The following MYCBP2 variants were observed in gnomAD, a reference collection of about 807,000 sequenced individuals.
The protein encoded by MYCBP2 is E3 ubiquitin-protein ligase MYCBP2.
A neutral mutation model predicts 525.3 loss-of-function variants in MYCBP2; 120 were observed. The observed-to-expected ratio is 0.23, with a 90% CI of 0.20 to 0.27. The LOEUF (loss-of-function observed/expected upper bound fraction) is 0.27. Ranked by LOEUF, MYCBP2 falls within the 10% of genes least tolerant of loss-of-function variation. MYCBP2 has a pLI of 1.00. For missense variants in MYCBP2, 4,149 were observed against 5,657.1 expected (o/e 0.73, Z 8.55); for synonymous variants, 1,894 against 1,955.8 (o/e 0.97, Z 0.83).
intron 33 of MYCBP2, among the ~76,000 whole-genome samples, chr13:77,180,524 T>C (rs144652744): frequency 1.7e-4 from 26 of 152,348 alleles, no homozygotes; most frequent in African/African-American, 6.3e-4. Context: ...CAAAGTACCA[T>C]ACATTTACGA....
chr13:77,294,392 T>C (rs2154364890), intron 2 of MYCBP2, among the ~76,000 whole-genome samples: 1 of 151,958 alleles, frequency 6.6e-6, no homozygotes, highest in East Asian at 1.9e-4. Flanking sequence ...AATTAATGTT[T>C]GAGGAATAAA....
chr13:77,181,821 C>T lies in MYCBP2; in HGVS notation c.4821G>A (p.Pro1607=), dbSNP rs371670683. The T allele has an allele frequency of 2.3e-5, 37 of 1,613,992 alleles. No homozygotes were observed. The highest frequency in any genetic ancestry group is 6.7e-5 in the East Asian group (3 of 44,872). The change falls in exon 33 of 83, where the codon CCG becomes CCA. Residue 1607 remains proline, a synonymous_variant. Coordinates refer to ENST00000544440, the MANE Select transcript of MYCBP2 (RefSeq NM_015057.5). ...HTSVKLTSIF[P]IAYDGEVLLR... ...GTAATACTTCTCCATCATACGCAATCGGGAAGATGGAAGTCAGCTTAACAG... is the reference window on the plus strand; with the variant it reads ...GTAATACTTCTCCATCATACGCAATTGGGAAGATGGAAGTCAGCTTAACAG...
intron 21 of MYCBP2, among the ~76,000 whole-genome samples, chr13:77,215,770 G>A (rs1023568084): frequency 2.6e-5 from 4 of 152,126 alleles, no homozygotes; most frequent in Non-Finnish European, 4.4e-5. Flanking sequence ...TAATAGAGAT[G>A]GGGTCTCACT....
chr13:77,306,786 A>G (rs2079479361), intron 1 of MYCBP2, among the ~76,000 whole-genome samples: 1 of 152,202 alleles, frequency 6.6e-6, no homozygotes, highest in African/African-American at 2.4e-5. Flanking sequence ...GCAAGCAAAT[A>G]ACTAAGAACA....
chr13:77,121,534 G>GT, intron 54 of MYCBP2, 39 bp from the exon 55 acceptor site: 1 of 1,494,436 alleles, frequency 6.7e-7, no homozygotes, highest in Non-Finnish European at 9.0e-7. Context: ...AGTTTCTTAC[G>GT]TGCTATTCCC....
intron 32 of MYCBP2, among the ~76,000 whole-genome samples, chr13:77,182,773 G>A (rs2060331823): frequency 6.6e-6 from 1 of 152,224 alleles, no homozygotes; most frequent in South Asian, 2.1e-4. Flanking sequence ...GGAGGGCGGG[G>A]AGGCCTAGGA....
At position 77,075,077 on chromosome 13, in the gene MYCBP2, G is replaced by A. The variant is rs140639905; in HGVS notation, c.11823+1674C>T. Among the ~76,000 whole-genome samples the A allele has an allele frequency of 4.6e-5, 7 of 152,238 alleles. No individual in the cohort carries two copies. The East Asian group carries it at 7.7e-4, about 17-fold the overall frequency. ...ATTAAAATCAGCTGGGCACGGTGAC[G>A]TGCACCTGTAGTTCCAGCTACTTGG... On this transcript the variant is annotated intron_variant, in intron 68 of 82. Transcript: ENST00000544440.
At chr13:77,148,041 CTA>C (rs914730892) in intron 47 of MYCBP2, among the ~76,000 whole-genome samples, 1 of 150,560 alleles carries the variant, frequency 6.6e-6, no homozygotes, top group Non-Finnish European at 1.5e-5. Flanking sequence ...TCATAGGAAA[CTA>C]AAAGATTAGG....
intron 55 of MYCBP2, among the ~76,000 whole-genome samples, chr13:77,106,582 A>G (rs550500812): frequency 3.0e-4 from 46 of 152,300 alleles, no homozygotes; most frequent in African/African-American, 1.1e-3. Context: ...CTACAAATGA[A>G]GACAGCAAAA....
At chr13:77,311,018 G>A (rs953500442) in intron 1 of MYCBP2, among the ~76,000 whole-genome samples, 1 of 152,164 alleles carries the variant, frequency 6.6e-6, no homozygotes, top group Non-Finnish European at 1.5e-5. Context: ...AAATTCTGGA[G>A]GGGAGTCAAA....
intron 62 of MYCBP2, among the ~76,000 whole-genome samples, chr13:77,084,384 T>C (rs1293413889): frequency 6.6e-6 from 1 of 152,296 alleles, no homozygotes; most frequent in East Asian, 1.9e-4. Flanking sequence ...TCCTTCTTTG[T>C]GCATATATTG....
intron 80 of MYCBP2, among the ~76,000 whole-genome samples, chr13:77,054,885 G>A (rs2037578460): frequency 6.6e-6 from 1 of 152,174 alleles, no homozygotes; most frequent in African/African-American, 2.4e-5. Flanking sequence ...ACAGGTGTGA[G>A]CCACTGTGCC....
rs754454768 is a variant in MYCBP2, at chr13:77,176,515, G to A, written c.5454C>T (p.Asp1818=). The part of the protein sequence containing the change: ...SPSDIAEIRL[D]KVVPLKENVK... ...AAACTACCTTTAAAGGAACCACTTTGTCAAGTCTGATCTCAGCTATATCAC... is the reference window on the plus strand; with the variant it reads ...AAACTACCTTTAAAGGAACCACTTTATCAAGTCTGATCTCAGCTATATCAC... Residue 1818 remains aspartate, a synonymous_variant, in exon 36 of 83, where the codon GAC becomes GAT. Transcript: ENST00000544440. 6.3e-7 allele frequency: 1 copy of A among 1,580,652 alleles called. No individual in the cohort carries two copies. Among genetic ancestry groups the A allele is most frequent in the South Asian group, 1.2e-5 (1 of 84,508 alleles).
At chr13:77,278,436 G>A (rs2075853872) in intron 4 of MYCBP2, among the ~76,000 whole-genome samples, 1 of 152,116 alleles carries the variant, frequency 6.6e-6, no homozygotes, top group East Asian at 1.9e-4. Flanking sequence ...AAATACTCTA[G>A]AACTTATACC....
chr13:77,247,439 G>A (rs1345997396), intron 15 of MYCBP2, among the ~76,000 whole-genome samples: 1 of 152,136 alleles, frequency 6.6e-6, no homozygotes, highest in Non-Finnish European at 1.5e-5. Context: ...GATGACATAA[G>A]TAGAAACACA....
intron 18 of MYCBP2, among the ~76,000 whole-genome samples, chr13:77,230,541 T>C (rs1292394161): frequency 6.6e-6 from 1 of 152,238 alleles, no homozygotes; most frequent in Non-Finnish European, 1.5e-5. Flanking sequence ...CATTATGAGA[T>C]ATCTTGGGGA....
chr13:77,257,649 T>C (rs778759047), intron 14 of MYCBP2, 22 bp downstream of exon 14: 2 of 1,513,178 alleles, frequency 1.3e-6, no homozygotes, highest in Non-Finnish European at 8.8e-7. Context: ...CAAATTTTAA[T>C]ATCTAAGAAT....
At chr13:77,318,113 C>T (rs1238292208) in intron 1 of MYCBP2, among the ~76,000 whole-genome samples, 3 of 152,170 alleles carry the variant, frequency 2.0e-5, no homozygotes, top group Non-Finnish European at 4.4e-5. Flanking sequence ...CAAATTCAGA[C>T]CCAGAATATG....
intron 12 of MYCBP2, among the ~76,000 whole-genome samples, chr13:77,260,900 C>G (rs2073158269): frequency 6.6e-6 from 1 of 152,086 alleles, no homozygotes; most frequent in Non-Finnish European, 1.5e-5. Context: ...TTAGCTATTG[C>G]ATTATTAATA....
Sources: allele counts gnomAD v4.1 joint callset (sites outside exome capture counted in the v4.1 genomes callset), GRCh38; gene constraint gnomAD v4.1.1; transcripts MANE v1.5; gene names NCBI Gene and HGNC (gene_info 2026-07-23, HGNC 2026-07-21).